MROH2A: variants seen among roughly 807,000 people sequenced by gnomAD.
MROH2A encodes maestro heat-like repeat-containing protein family member 2A.
Under a neutral mutation model 200.4 loss-of-function variants are expected in MROH2A, and 174 were observed. That is an observed-to-expected ratio of 0.87 (90% CI 0.77 to 0.98). MROH2A has a LOEUF of 0.98. Among genes scored for constraint, MROH2A ranks in the 50% least tolerant of loss-of-function variants. The pLI is 0.00. For missense variants in MROH2A, 2,045 were observed against 2,139.6 expected, an observed-to-expected ratio of 0.96 and a Z score of 0.87; for synonymous variants, 829 against 840.4, an observed-to-expected ratio of 0.99 and a Z score of 0.23.
intron 11 of MROH2A, 82 bp downstream of exon 11, chr2:233,796,395 G>GT: frequency 2.2e-6 from 2 of 918,554 alleles, no homozygotes; most frequent in Non-Finnish European, 3.3e-6. Context: ...TTTCATTCAT[G>GT]TTCGGGCATT....
rs778731540 is a variant in MROH2A, at chr2:233,829,672, G to A, written c.4499G>A (p.Arg1500Lys). ...KAFILFGKLA[R>K]VVGMSKKHFF... Reference sequence around the variant, plus strand: ...TTCATCCTCTTTGGAAAGCTGGCAAGGGTGGTCGGGATGTCCAAGAAGCAT... The same window carrying A: ...TTCATCCTCTTTGGAAAGCTGGCAAAGGTGGTCGGGATGTCCAAGAAGCAT... Residue 1500 changes from arginine (R) to lysine (K), a missense_variant, in exon 38 of 42, where the codon AGG becomes AAG. This residue lies in a region of MROH2A where 1,201 missense variants were observed against 1,311.3 expected (regional missense o/e 0.92). Transcript: ENST00000389758. 6.7e-6 allele frequency: 10 copies of A among 1,491,556 alleles called. No individual in the cohort carries two copies. Among genetic ancestry groups the A allele is most frequent in the Non-Finnish European group, 8.9e-6 (10 of 1,118,296 alleles). 92.4% of individuals were successfully genotyped at this position (1,491,556 alleles called of 1,614,324 possible). A position where few individuals can be genotyped will look rare whatever the true frequency, so the allele number is the denominator to read the frequency against.
rs1052717501 is a variant in MROH2A, at chr2:233,818,779, CG to C, written c.3204+13del. 2.9e-5 allele frequency: 44 copies of C among 1,519,266 alleles called. No homozygotes were observed. The Admixed American group carries it at 7.3e-4, about 25-fold the overall frequency. The allele number at this position is 1,519,266 out of a possible 1,614,324, so 94.1% of individuals were successfully genotyped here. On this transcript the variant is annotated intron_variant, in intron 29 of 41. Transcript: ENST00000389758. ...CCTCCAGAATCGCCAAGGTGACAGCCGGGGAGCCTGCCTGGGCTGCCAGGCT... is the reference window on the plus strand; with the variant it reads ...CCTCCAGAATCGCCAAGGTGACAGCCGGGAGCCTGCCTGGGCTGCCAGGCT...
At chr2:233,796,096 G>A in intron 10 of MROH2A, 51 bp downstream of exon 10, 1 of 1,534,130 alleles carries the variant, frequency 6.5e-7, no homozygotes, top group East Asian at 2.5e-5. Context: ...CCTGCAGGAG[G>A]CCTGTAGGAG....
intron 27 of MROH2A, among the ~76,000 whole-genome samples, chr2:233,817,188 G>A (rs959190800): frequency 1.3e-5 from 2 of 152,188 alleles, no homozygotes; most frequent in Non-Finnish European, 2.9e-5. Context: ...TATTTACTTT[G>A]AGAAAATCAA....
chr2:233,819,233 C>T, intron 29 of MROH2A, 84 bp from the exon 30 acceptor site: 1 of 1,353,016 alleles, frequency 7.4e-7, no homozygotes. Flanking sequence ...GGAGTGGGGC[C>T]ATGGGGTGGG....
chr2:233,827,292 T>C (rs1704379613), intron 35 of MROH2A, among the ~76,000 whole-genome samples: 1 of 152,202 alleles, frequency 6.6e-6, no homozygotes, highest in African/African-American at 2.4e-5. Flanking sequence ...TGTAGCACTA[T>C]TCACAATAAC....
At position 233,831,481 on chromosome 2, in the gene MROH2A, A is replaced by G; in HGVS notation, c.4675A>G (p.Ser1559Gly). 1.3e-6 allele frequency: 2 copies of G among 1,550,530 alleles called. No homozygotes were observed. Among genetic ancestry groups the G allele is most frequent in the East Asian group, 4.9e-5 (2 of 40,906 alleles). Residue 1559 changes from serine (S) to glycine (G), a missense_variant, in exon 39 of 42, where the codon AGT becomes GGT. Physicochemically the swap from Ser to Gly is moderately conservative, Grantham distance 56 (BLOSUM62 0). Around this residue, in one of 3 missense-constraint regions of MROH2A, gnomAD observed 1,201 missense variants for 1,311.3 expected, o/e 0.92. Transcript: ENST00000389758. Reference sequence around the variant, plus strand: ...GTCCCTGGAGCATCCCTCAGGGCCAAGTGATACCGCTACTGATGACAAGAT... The same window carrying G: ...GTCCCTGGAGCATCCCTCAGGGCCAGGTGATACCGCTACTGATGACAAGAT... ...WKSLEHPSGPSDTATDDKMTV... is the reference protein window; with the variant it reads ...WKSLEHPSGPGDTATDDKMTV...
chr2:233,788,744 T>A (rs1017339083), intron 3 of MROH2A, among the ~76,000 whole-genome samples: 1 of 151,542 alleles, frequency 6.6e-6, no homozygotes, highest in Non-Finnish European at 1.5e-5. Context: ...GAGACCATCT[T>A]GGCTAACACG....
intron 25 of MROH2A, among the ~76,000 whole-genome samples, chr2:233,814,242 C>A (rs956020256): frequency 6.6e-6 from 1 of 152,134 alleles, no homozygotes; most frequent in African/African-American, 2.4e-5. Flanking sequence ...GCAAGGAGTC[C>A]TGGGAAATGT....
At chr2:233,817,222 C>G (rs1359292351) in intron 27 of MROH2A, among the ~76,000 whole-genome samples, 1 of 152,170 alleles carries the variant, frequency 6.6e-6, no homozygotes, top group Non-Finnish European at 1.5e-5. Flanking sequence ...ATAAATTTTG[C>G]AAAGCTTGAC....
chr2:233,804,104 C>T lies in MROH2A; in HGVS notation c.1803C>T (p.Asn601=), dbSNP rs941566661. The change falls in exon 17 of 42, where the codon AAC becomes AAT. Residue 601 remains asparagine (N), a synonymous_variant. Transcript: ENST00000389758. ...AGGGTCGTGGGATAGCCATGCTCAA[C>T]CTCTTGAGGACCCTGAGCCAGAGCA... ...KGEGRGIAML[N]LLRTLSQSIA... 7 of 1,550,456 alleles carry T rather than the reference C, an allele frequency of 4.5e-6. No homozygotes were observed. The African/African-American group carries it at 8.2e-5, about 18-fold the overall frequency.
Position 233,824,731 on chromosome 2 carries a change from C to T in MROH2A, c.4113+1067C>T, listed in dbSNP as rs528343461. ...TTGGTGAGAGCTAAATGAGATAGAC[C>T]GTGTATGCATTGCTTGCTTGGGAGG... On this transcript the variant is annotated intron_variant, in intron 35 of 41. Transcript: ENST00000389758. Among the ~76,000 whole-genome samples, 54 of 152,302 alleles carry T rather than the reference C, an allele frequency of 3.5e-4. 1 individual carries two copies. In the South Asian group the frequency reaches 9.9e-3, roughly 28 times the overall value.
At position 233,809,112 on chromosome 2, in the gene MROH2A, C is replaced by T. The variant is rs1702989028; in HGVS notation, c.2296-14C>T. 1 of 1,543,316 alleles carries T rather than the reference C, an allele frequency of 6.5e-7. No individual in the cohort carries two copies. The highest frequency in any genetic ancestry group is 8.8e-7 in the Non-Finnish European group (1 of 1,141,144). On this transcript the variant is annotated splice_polypyrimidine_tract_variant and intron_variant, in intron 21 of 41. Coordinates refer to ENST00000389758, the MANE Select transcript of MROH2A (RefSeq NM_001394639.1). ...TGCTGCCCCCAGTGGTTCTTTTTCT[C>T]TTTGGCCTCGTAGAAGGACCATCCC...
rs1186203371 is a variant in MROH2A at position 233,801,983 on chromosome 2, T to G, written c.1561-185T>G. Among the ~76,000 whole-genome samples the G allele has an allele frequency of 2.0e-5, 3 of 152,042 alleles. No individual in the cohort carries two copies. The East Asian group carries it at 5.8e-4, about 29-fold the overall frequency. ...GACTCTCTTGCCACATCAGGGTGGG[T>G]GACACTTAAATGCCCCTGACAAAGA... On this transcript the variant is annotated intron_variant, in intron 14 of 41. Coordinates refer to ENST00000389758, the MANE Select transcript of MROH2A (RefSeq NM_001394639.1).
chr2:233,814,539 T>G (rs1314735149), intron 25 of MROH2A, 43 bp from the exon 26 acceptor site: 1 of 1,436,338 alleles, frequency 7.0e-7, no homozygotes, highest in African/African-American at 1.4e-5. Context: ...GGGTTGTGGG[T>G]GCCCCTCATT....
At chr2:233,813,850 G>C (rs1703337482) in intron 25 of MROH2A, 72 bp downstream of exon 25, 25 of 810,820 alleles carry the variant, frequency 3.1e-5, no homozygotes, top group Non-Finnish European at 3.9e-5. Flanking sequence ...GCCATGCTGA[G>C]AGTCCACCTT....
intron 3 of MROH2A, among the ~76,000 whole-genome samples, chr2:233,787,708 C>T (rs1269163627): frequency 9.0e-5 from 3 of 33,442 alleles, no homozygotes; most frequent in Non-Finnish European, 1.6e-4. Flanking sequence ...ATCATATAAA[C>T]ATATATATTA....
chr2:233,795,510 A>G, intron 8 of MROH2A, 143 bp from the exon 9 acceptor site: 2 of 1,272,688 alleles, frequency 1.6e-6, no homozygotes, highest in South Asian at 1.4e-5. Flanking sequence ...GGACTGGGGT[A>G]GGGCCTGAGA....
intron 3 of MROH2A, among the ~76,000 whole-genome samples, chr2:233,783,924 G>A (rs182936608): frequency 4.0e-5 from 6 of 151,736 alleles, no homozygotes; most frequent in East Asian, 1.9e-4. Flanking sequence ...ATTTATTTGG[G>A]TCTTCACTCT....
Sources: allele counts gnomAD v4.1 joint callset (sites outside exome capture counted in the v4.1 genomes callset), GRCh38; gene constraint gnomAD v4.1.1; regional missense constraint gnomAD v4.1.1; transcripts MANE v1.5; gene names NCBI Gene and HGNC (gene_info 2026-07-23, HGNC 2026-07-21).